Variants in CFAP77 observed in about 807,000 individuals in gnomAD.
CFAP77 encodes the protein cilia and flagella associated protein 77, also known as cilia- and flagella-associated protein 77.
CFAP77 carries 25 observed loss-of-function variants against 31.1 expected under a neutral mutation model. The ratio of observed to expected loss-of-function variants is 0.80; its 90% CI spans 0.59 to 1.12. The LOEUF is 1.12. Among genes scored for constraint, CFAP77 ranks in the 50% most tolerant of loss-of-function variants. CFAP77 has a pLI of 0.00. For synonymous variants in CFAP77, 151 were observed against 159.9 expected, an observed-to-expected ratio of 0.94 and a Z score of 0.42; for missense variants, 377 against 397.3, an observed-to-expected ratio of 0.95 and a Z score of 0.44.
intron 3 of CFAP77, among the ~76,000 whole-genome samples, chr9:132,533,587 G>A (rs527721827): frequency 3.9e-5 from 6 of 152,086 alleles, no homozygotes; most frequent in Non-Finnish European, 8.8e-5. Flanking sequence ...TTTTTCTATT[G>A]AAAGTAATTT....
chr9:132,471,888 A>G (rs1427505882), intron 1 of CFAP77, among the ~76,000 whole-genome samples: 1 of 151,942 alleles, frequency 6.6e-6, no homozygotes, highest in African/African-American at 2.4e-5. Context: ...TATTATTATT[A>G]TTATTTTTGT....
At chr9:132,536,997 G>A (rs535726672) in intron 3 of CFAP77, among the ~76,000 whole-genome samples, 1 of 152,266 alleles carries the variant, frequency 6.6e-6, no homozygotes, top group East Asian at 1.9e-4. Flanking sequence ...GCCAGACACT[G>A]ATTAAAGGTG....
At chr9:132,542,117 C>A (rs1852653765) in intron 4 of CFAP77, among the ~76,000 whole-genome samples, 1 of 152,216 alleles carries the variant, frequency 6.6e-6, no homozygotes, top group African/African-American at 2.4e-5. Context: ...AAGGACTTGG[C>A]AGCATTGATG....
intron 1 of CFAP77, among the ~76,000 whole-genome samples, chr9:132,453,561 A>AT (rs1589859009): frequency 6.6e-6 from 1 of 152,368 alleles, no homozygotes. Context: ...TATAATTCAT[A>AT]TATCTGGTGG....
At chr9:132,451,502 C>G (rs1351575762) in intron 1 of CFAP77, among the ~76,000 whole-genome samples, 1 of 152,062 alleles carries the variant, frequency 6.6e-6, no homozygotes, top group African/African-American at 2.4e-5. Flanking sequence ...ATTTGAATAT[C>G]CTGCACTGTG....
At chr9:132,505,051 T>C (rs1851909769) in intron 3 of CFAP77, among the ~76,000 whole-genome samples, 1 of 152,216 alleles carries the variant, frequency 6.6e-6, no homozygotes, top group Non-Finnish European at 1.5e-5. Context: ...AAAATGAGTG[T>C]TATTTACTCA....
intron 5 of CFAP77, among the ~76,000 whole-genome samples, chr9:132,557,214 T>C (rs1175235736): frequency 1.3e-5 from 2 of 152,158 alleles, no homozygotes; most frequent in Non-Finnish European, 2.9e-5. Flanking sequence ...TCTTTCCCTC[T>C]CCCCAAGTTG....
chr9:132,410,477 C>T lies in CFAP77; in HGVS notation c.195+11C>T, dbSNP rs368224844. 1.2e-3 allele frequency: 1,908 copies of T among 1,548,436 alleles called. 1 individual carries two copies. The highest frequency in any genetic ancestry group is 2.3e-3 in the Admixed American group (110 of 47,920). ...CCTCTCATCGTCAAGGTGAGCACCCCACGCCCACCGCGCTTTCGCTGTCGC... is the reference window on the plus strand; with the variant it reads ...CCTCTCATCGTCAAGGTGAGCACCCTACGCCCACCGCGCTTTCGCTGTCGC... On this transcript the variant is annotated intron_variant, in intron 1 of 5. Coordinates refer to ENST00000393216, the MANE Select transcript of CFAP77 (RefSeq NM_001282957.2).
At chr9:132,471,431 A>G (rs1252770464) in intron 1 of CFAP77, among the ~76,000 whole-genome samples, 3 of 151,882 alleles carry the variant, frequency 2.0e-5, no homozygotes, top group African/African-American at 4.8e-5. Flanking sequence ...ACTTCTTCCT[A>G]TTCCTTTAAG....
Position 132,572,469 on chromosome 9 carries a change from C to T in CFAP77, c.814C>T (p.Arg272Cys), listed in dbSNP as rs199991031. 6.4e-5 allele frequency: 103 copies of T among 1,610,464 alleles called. No homozygotes were observed. Among genetic ancestry groups the T allele is most frequent in the Middle Eastern group, 3.3e-4 (2 of 6,060 alleles). ...LKAHREECAV[R>C]QGTLRMGNYT... ...AGCCCACCGGGAAGAGTGTGCCGTGCGCCAGGGGACCCTGCGGATGGGCAA... is the reference window on the plus strand; with the variant it reads ...AGCCCACCGGGAAGAGTGTGCCGTGTGCCAGGGGACCCTGCGGATGGGCAA... The change falls in exon 6 of 6, where the codon CGC becomes TGC. Residue 272 changes from arginine (R) to cysteine (C), a missense_variant. Coordinates refer to ENST00000393216, the MANE Select transcript of CFAP77 (RefSeq NM_001282957.2).
In CFAP77 at chr9:132,526,445, G is replaced by A. The variant is rs1471176509; in HGVS notation, c.525-11156G>A. On this transcript the variant is annotated intron_variant, in intron 3 of 5. Transcript: ENST00000393216. Reference sequence around the variant, plus strand: ...GACGGGGTTTCACCGTGTTAGCCAGGATGGTCTCGATCTCCTGACTTCGTG... The same window carrying A: ...GACGGGGTTTCACCGTGTTAGCCAGAATGGTCTCGATCTCCTGACTTCGTG... Among the ~76,000 whole-genome samples, 12 of 151,996 alleles carry A rather than the reference G, an allele frequency of 7.9e-5. No individual in the cohort carries two copies. The South Asian group carries it at 2.3e-3, about 29-fold the overall frequency.
chr9:132,458,412 A>T (rs553604572), intron 1 of CFAP77, among the ~76,000 whole-genome samples: 13 of 149,962 alleles, frequency 8.7e-5, no homozygotes, highest in African/African-American at 2.0e-4. Flanking sequence ...TTTTCTCCAC[A>T]TATGGAATTT....
intron 3 of CFAP77, among the ~76,000 whole-genome samples, chr9:132,510,125 A>G (rs942036839): frequency 4.4e-4 from 66 of 151,372 alleles, no homozygotes; most frequent in African/African-American, 1.4e-3. Flanking sequence ...TGGGGCCGCC[A>G]CTCCCCCAGG....
chr9:132,522,809 T>TCCAG (rs1434727772), intron 3 of CFAP77, among the ~76,000 whole-genome samples: 1 of 152,194 alleles, frequency 6.6e-6, no homozygotes, highest in Non-Finnish European at 1.5e-5. Context: ...AGTTCTGATC[T>TCCAG]GATGTTCGGT....
intron 1 of CFAP77, among the ~76,000 whole-genome samples, chr9:132,416,562 C>T (rs1018470489): frequency 1.9e-4 from 28 of 151,104 alleles, no homozygotes; most frequent in African/African-American, 6.6e-4. Context: ...AGGCTGGTCT[C>T]GAACTCCTGA....
intron 3 of CFAP77, among the ~76,000 whole-genome samples, chr9:132,519,175 GGTGGGTGA>G: frequency 6.6e-6 from 1 of 151,242 alleles, no homozygotes; most frequent in Non-Finnish European, 1.5e-5. Context: ...TAGGTGGGTG[GGTGGGTGA>G]ATGAATGGAT....
At chr9:132,570,512 TGGAGGG>T (rs1188506217) in intron 5 of CFAP77, among the ~76,000 whole-genome samples, 1 of 152,212 alleles carries the variant, frequency 6.6e-6, no homozygotes, top group Non-Finnish European at 1.5e-5. Context: ...AATGCTGCCA[TGGAGGG>T]TCCCTAGAGG....
chr9:132,480,398 G>A lies in CFAP77; in HGVS notation c.196-18297G>A, dbSNP rs1410838119. ...TTCCAGACCCTGTTCTGGAAGACCT[G>A]CCCCAGATGGCCCAGGCCTGGGAGG... is the stretch of plus-strand genomic sequence containing the variant. On this transcript the variant is annotated intron_variant, in intron 1 of 5. Coordinates refer to ENST00000393216, the MANE Select transcript of CFAP77 (RefSeq NM_001282957.2). This position sits in a 1 kb window ranked among gnomAD's most constrained non-coding sequence, Gnocchi z 5.8. Among the ~76,000 whole-genome samples the A allele has an allele frequency of 6.6e-6, 1 of 152,204 alleles. No individual in the cohort carries two copies. The highest frequency in any genetic ancestry group is 1.5e-5 in the Non-Finnish European group (1 of 68,034).
Position 132,498,916 on chromosome 9 carries a change from G to T in CFAP77, c.295+122G>T. ...GTTGGGTGCTGGAGAAAGACCCAGG[G>T]ACCGCCAGCCTGGGCAGCTGACTGG... On this transcript the variant is annotated intron_variant, in intron 2 of 5. Transcript: ENST00000393216. This position sits in a 1 kb window ranked among gnomAD's most constrained non-coding sequence, Gnocchi z 4.2. The T allele has an allele frequency of 1.4e-6, 1 of 714,576 alleles. No homozygotes were observed. The highest frequency in any genetic ancestry group is 2.3e-6 in the Non-Finnish European group (1 of 427,098). 44.3% of individuals were successfully genotyped at this position (714,576 alleles called of 1,614,324 possible).
Sources: allele counts gnomAD v4.1 joint callset (sites outside exome capture counted in the v4.1 genomes callset), GRCh38; gene constraint gnomAD v4.1.1; non-coding constraint Gnocchi (gnomAD v3.1); transcripts MANE v1.5; gene names NCBI Gene and HGNC (gene_info 2026-07-23, HGNC 2026-07-21).